ELMO1: variants seen among roughly 807,000 people sequenced by gnomAD.
The protein encoded by ELMO1 is engulfment and cell motility protein 1.
ELMO1 carries 26 observed loss-of-function variants against 98.9 expected under a neutral mutation model. That is an observed-to-expected ratio of 0.26 (90% CI 0.19 to 0.36). The LOEUF (loss-of-function observed/expected upper bound fraction) is 0.36, where lower values mean the gene tolerates loss of function less well. ELMO1 is among the 10% of genes least tolerant of loss of function. The pLI is 1.00. For missense variants in ELMO1, 627 were observed against 935.2 expected (o/e 0.67, Z 4.30); for synonymous variants, 346 against 346.0 (o/e 1.00, Z 0.00).
At chr7:37,074,282 G>A (rs1053989368) in intron 15 of ELMO1, among the ~76,000 whole-genome samples, 1 of 151,350 alleles carries the variant, frequency 6.6e-6, no homozygotes, top group African/African-American at 2.4e-5. Flanking sequence ...TATGTCACTT[G>A]TCTAAACAGT....
chr7:37,345,449 C>T (rs1204696247), intron 1 of ELMO1, among the ~76,000 whole-genome samples: 3 of 152,042 alleles, frequency 2.0e-5, no homozygotes, highest in South Asian at 2.1e-4. Flanking sequence ...CGGTGGCTCA[C>T]GCCTGTAATC....
At chr7:37,315,652 G>C (rs1583528578) in intron 3 of ELMO1, among the ~76,000 whole-genome samples, 1 of 152,132 alleles carries the variant, frequency 6.6e-6, no homozygotes, top group Non-Finnish European at 1.5e-5. Flanking sequence ...CTCCCTGCTA[G>C]GTAGGACAAA....
chr7:36,870,186 T>G lies in ELMO1; in HGVS notation c.1905+207A>C, dbSNP rs1803389750. On this transcript the variant is annotated intron_variant, in intron 20 of 21. Transcript: ENST00000310758. This position sits in a 1 kb window ranked among gnomAD's most constrained non-coding sequence, Gnocchi z 4.4. ...GGAAGTGAGAGAATGGAAAAGATGG[T>G]GAGCATCAGAAAAGGGGTCAGAAAG... Among the ~76,000 whole-genome samples, 1 of 151,810 alleles carries G rather than the reference T, an allele frequency of 6.6e-6. No individual in the cohort carries two copies. The highest frequency in any genetic ancestry group is 1.5e-5 in the Non-Finnish European group (1 of 67,968).
At chr7:37,355,972 A>C (rs1297570490) in intron 1 of ELMO1, among the ~76,000 whole-genome samples, 1 of 152,180 alleles carries the variant, frequency 6.6e-6, no homozygotes, top group Non-Finnish European at 1.5e-5. Flanking sequence ...TCCTCCCAGC[A>C]ACTAGACAGA....
intron 16 of ELMO1, among the ~76,000 whole-genome samples, chr7:37,003,349 A>C (rs1023949084): frequency 2.0e-5 from 3 of 152,158 alleles, no homozygotes; most frequent in African/African-American, 7.2e-5. Flanking sequence ...ATAATGAGAC[A>C]ACGTCTCAAA....
At chr7:37,440,969 G>A (rs562695598) in intron 1 of ELMO1, among the ~76,000 whole-genome samples, 31 of 151,942 alleles carry the variant, frequency 2.0e-4, no homozygotes, top group African/African-American at 7.2e-4. Flanking sequence ...AGCCAGCTGT[G>A]GTTACGCATT....
At chr7:37,140,605 A>T (rs1267639038) in intron 13 of ELMO1, among the ~76,000 whole-genome samples, 1 of 152,224 alleles carries the variant, frequency 6.6e-6, no homozygotes, top group Non-Finnish European at 1.5e-5. Context: ...CAACACACAG[A>T]ATGGGAGAAA....
chr7:37,389,238 C>A (rs1165510063), intron 1 of ELMO1, among the ~76,000 whole-genome samples: 1 of 152,196 alleles, frequency 6.6e-6, no homozygotes, highest in Non-Finnish European at 1.5e-5. Flanking sequence ...CCCGGCAATT[C>A]CTTTCATTTT....
At chr7:37,283,323 T>A (rs1797233890) in intron 4 of ELMO1, among the ~76,000 whole-genome samples, 1 of 152,162 alleles carries the variant, frequency 6.6e-6, no homozygotes, top group Non-Finnish European at 1.5e-5. Flanking sequence ...AAATTTAATT[T>A]AAAAAAAGCA....
chr7:37,305,862 G>C (rs906806285), intron 4 of ELMO1, among the ~76,000 whole-genome samples: 11 of 152,194 alleles, frequency 7.2e-5, no homozygotes, highest in African/African-American at 2.4e-4. Context: ...TTAAACAACA[G>C]TTCAAGACAA....
chr7:37,130,426 T>C (rs1306979458), intron 14 of ELMO1, among the ~76,000 whole-genome samples: 2 of 152,110 alleles, frequency 1.3e-5, no homozygotes, highest in Admixed American at 6.6e-5. Flanking sequence ...AGGAGAAACC[T>C]GCCAGAGAGA....
intron 13 of ELMO1, among the ~76,000 whole-genome samples, chr7:37,206,834 A>T (rs535444261): frequency 9.7e-4 from 146 of 150,628 alleles, no homozygotes; most frequent in African/African-American, 3.0e-3. Flanking sequence ...TCTTTTTTTA[A>T]AAAAAAAAAG....
intron 14 of ELMO1, among the ~76,000 whole-genome samples, chr7:37,098,380 C>T (rs1019969894): frequency 6.6e-6 from 1 of 152,138 alleles, no homozygotes; most frequent in South Asian, 2.1e-4. Flanking sequence ...ATCGCAAGTG[C>T]TATGAAAATA....
intron 1 of ELMO1, among the ~76,000 whole-genome samples, chr7:37,383,909 C>T (rs532922637): frequency 6.6e-6 from 1 of 152,216 alleles, no homozygotes; most frequent in Admixed American, 6.5e-5. Context: ...TCCGCATCCC[C>T]GGTTCATGCC....
At chr7:37,076,775 G>C (rs1227223192) in intron 15 of ELMO1, among the ~76,000 whole-genome samples, 1 of 152,324 alleles carries the variant, frequency 6.6e-6, no homozygotes, top group East Asian at 1.9e-4. Context: ...GTATCATCCT[G>C]AGGGTGCACA....
intron 1 of ELMO1, among the ~76,000 whole-genome samples, chr7:37,353,928 TTCTC>T: frequency 6.6e-6 from 1 of 152,324 alleles, no homozygotes; most frequent in Admixed American, 6.5e-5. Flanking sequence ...GTTCAGAATG[TTCTC>T]TCTACCTCCA....
chr7:36,983,064 G>C (rs1003323161), intron 16 of ELMO1, among the ~76,000 whole-genome samples: 10 of 152,204 alleles, frequency 6.6e-5, no homozygotes, highest in Admixed American at 5.9e-4. Context: ...GTTCCTAGTT[G>C]TTCATCACCC....
At position 37,201,367 on chromosome 7, in the gene ELMO1, T is replaced by G. The variant is rs148090798; in HGVS notation, c.1086+10019A>C. Among the ~76,000 whole-genome samples the G allele has an allele frequency of 2.0e-4, 31 of 152,346 alleles. No individual in the cohort carries two copies. In the East Asian group the frequency reaches 6.0e-3, roughly 29 times the overall value. On this transcript the variant is annotated intron_variant, in intron 13 of 21. Coordinates refer to ENST00000310758, the MANE Select transcript of ELMO1 (RefSeq NM_014800.11). ...ACATTCATAGACTTTCCATTTCCAG[T>G]GCATTCTTTCCTATATTTCCATGTT...
intron 1 of ELMO1, among the ~76,000 whole-genome samples, chr7:37,361,022 G>T (rs1801678833): frequency 6.9e-6 from 1 of 145,490 alleles, no homozygotes; most frequent in Non-Finnish European, 1.5e-5. Flanking sequence ...TCATTATGAT[G>T]ATAAAAACTT....
Sources: allele counts gnomAD v4.1 joint callset (sites outside exome capture counted in the v4.1 genomes callset), GRCh38; gene constraint gnomAD v4.1.1; non-coding constraint Gnocchi (gnomAD v3.1); transcripts MANE v1.5; gene names NCBI Gene and HGNC (gene_info 2026-07-23, HGNC 2026-07-21).